The following TAFA5 variants were observed in gnomAD, a reference collection of about 807,000 sequenced individuals.
TAFA5 encodes the protein TAFA chemokine like family member 5, also known as chemokine-like protein TAFA-5.
In TAFA5, 6 loss-of-function variants were observed where a neutral mutation model predicts 15.3. That is an observed-to-expected ratio of 0.39 (90% CI 0.21 to 0.77). TAFA5 has a LOEUF of 0.77. Ranked by LOEUF, TAFA5 falls within the 30% of genes least tolerant of loss-of-function variation. The pLI, the probability that TAFA5 is intolerant of heterozygous loss-of-function variation, is 0.41. For missense variants in TAFA5, 161 were observed against 193.1 expected (o/e 0.83, Z 0.98); for synonymous variants, 103 against 80.7 (o/e 1.28, Z -1.48).
intron 1 of TAFA5, among the ~76,000 whole-genome samples, chr22:48,636,464 T>A (rs1926447977): frequency 6.6e-6 from 1 of 152,128 alleles, no homozygotes; most frequent in South Asian, 2.1e-4. Flanking sequence ...TTTTTAATCC[T>A]CATACTAAGT....
chr22:48,509,790 A>T (rs1921142167), intron 1 of TAFA5, among the ~76,000 whole-genome samples: 1 of 152,058 alleles, frequency 6.6e-6, no homozygotes, highest in African/African-American at 2.4e-5. Flanking sequence ...TCTCTACTAA[A>T]AGTACAAAAA....
chr22:48,711,218 C>G (rs565361576), intron 3 of TAFA5, among the ~76,000 whole-genome samples: 2 of 152,278 alleles, frequency 1.3e-5, no homozygotes, highest in East Asian at 3.9e-4. Context: ...CCTGATTCTT[C>G]TAGAGAGTGA....
intron 1 of TAFA5, among the ~76,000 whole-genome samples, chr22:48,628,647 C>G (rs1050296919): frequency 6.6e-6 from 1 of 152,184 alleles, no homozygotes; most frequent in Non-Finnish European, 1.5e-5. Context: ...TTGAGCTGGA[C>G]GAGCTTGGAG....
chr22:48,505,307 C>T (rs186717701), intron 1 of TAFA5, among the ~76,000 whole-genome samples: 98 of 152,278 alleles, frequency 6.4e-4, no homozygotes, highest in African/African-American at 2.3e-3. Context: ...GAACCGGGGG[C>T]GTCTGGAGTG....
chr22:48,621,834 C>T (rs371345471), intron 1 of TAFA5, among the ~76,000 whole-genome samples: 6 of 152,198 alleles, frequency 3.9e-5, no homozygotes, highest in South Asian at 2.1e-4. Flanking sequence ...GTCTCAGTGT[C>T]GCTGGGGATG....
chr22:48,735,545 C>T (rs192731963), intron 3 of TAFA5, among the ~76,000 whole-genome samples: 22 of 152,340 alleles, frequency 1.4e-4, no homozygotes, highest in Admixed American at 1.4e-3. Flanking sequence ...ATCTGATCTC[C>T]TTTTGAGCTG....
At position 48,553,537 on chromosome 22, in the gene TAFA5, G is replaced by A. The variant is rs1169597329; in HGVS notation, c.112+63833G>A. ...GGACAGGATGGTGGGAGAGGGTGAGGAGGCGTCCCAGGGATGAGTCCTGGG... is the reference window on the plus strand; with the variant it reads ...GGACAGGATGGTGGGAGAGGGTGAGAAGGCGTCCCAGGGATGAGTCCTGGG... On this transcript the variant is annotated intron_variant, in intron 1 of 3. Coordinates refer to ENST00000402357, the MANE Select transcript of TAFA5 (RefSeq NM_001082967.3). Among the ~76,000 whole-genome samples the A allele has an allele frequency of 2.6e-5, 4 of 152,330 alleles. No homozygotes were observed. In the East Asian group the frequency reaches 7.7e-4, roughly 29 times the overall value.
rs1921932686 is a variant in TAFA5 at position 48,530,398 on chromosome 22, G to C, written c.112+40694G>C. On this transcript the variant is annotated intron_variant, in intron 1 of 3. Coordinates refer to ENST00000402357, the MANE Select transcript of TAFA5 (RefSeq NM_001082967.3). The surrounding 1 kb of genome is among the most constrained non-coding windows in gnomAD (Gnocchi z 6.0). ...GGAGCCCAGAGAAGGAATGCACCGG[G>C]CACTGTCGTGGGGCCGGCATTCAAC... 6.6e-6 allele frequency among the ~76,000 whole-genome samples: 1 copy of C among 152,186 alleles called. No homozygotes were observed. The highest frequency in any genetic ancestry group is 1.5e-5 in the Non-Finnish European group (1 of 68,036).
chr22:48,729,216 A>G (rs1929789721), intron 3 of TAFA5, among the ~76,000 whole-genome samples: 1 of 124,860 alleles, frequency 8.0e-6, no homozygotes. Flanking sequence ...CATCCAGTTT[A>G]TCTTAGGAAC....
intron 2 of TAFA5, among the ~76,000 whole-genome samples, chr22:48,650,528 G>A (rs1246243050): frequency 1.3e-5 from 2 of 152,132 alleles, no homozygotes; most frequent in Non-Finnish European, 2.9e-5. Flanking sequence ...ATAGGGTATT[G>A]AGGGATGATG....
At chr22:48,688,992 GAA>G (rs78797172) in intron 2 of TAFA5, among the ~76,000 whole-genome samples, 45 of 82,550 alleles carry the variant, frequency 5.5e-4, no homozygotes, top group South Asian at 1.4e-3. Flanking sequence ...ACTTGTCTCG[GAA>G]AAAAAAAAAA....
intron 3 of TAFA5, among the ~76,000 whole-genome samples, chr22:48,724,443 A>T (rs1929658766): frequency 6.6e-6 from 1 of 152,142 alleles, no homozygotes; most frequent in Admixed American, 6.5e-5. Flanking sequence ...CAGCGTTTGG[A>T]GGAGAGAGGA....
intron 1 of TAFA5, among the ~76,000 whole-genome samples, chr22:48,506,288 A>G (rs1267180151): frequency 6.6e-6 from 1 of 152,230 alleles, no homozygotes; most frequent in African/African-American, 2.4e-5. Context: ...CTTAGAGAAG[A>G]AAACCTTTTC....
intron 1 of TAFA5, among the ~76,000 whole-genome samples, chr22:48,618,098 G>A (rs1004384116): frequency 6.6e-6 from 1 of 152,202 alleles, no homozygotes; most frequent in Non-Finnish European, 1.5e-5. Context: ...GAAGCACTGG[G>A]GTTTCTGATT....
At chr22:48,671,387 G>A (rs754169864) in intron 2 of TAFA5, among the ~76,000 whole-genome samples, 4 of 152,174 alleles carry the variant, frequency 2.6e-5, no homozygotes, top group Non-Finnish European at 5.9e-5. Flanking sequence ...GTGCTCTGTT[G>A]AGAATCACAG....
At position 48,597,009 on chromosome 22, in the gene TAFA5, G is replaced by A. The variant is rs115756503; in HGVS notation, c.113-49588G>A. 3.3e-3 allele frequency among the ~76,000 whole-genome samples: 509 copies of A among 152,236 alleles called. 5 individuals carry two copies. Among genetic ancestry groups the A allele is most frequent in the African/African-American group, 0.012 (479 of 41,546 alleles). ...TTTGTAGAGATGAAGGTCTCGCTGCGATGCCCTAGCTGGTCTCGAACTCCT... is the reference window on the plus strand; with the variant it reads ...TTTGTAGAGATGAAGGTCTCGCTGCAATGCCCTAGCTGGTCTCGAACTCCT... On this transcript the variant is annotated intron_variant, in intron 1 of 3. Coordinates refer to ENST00000402357, the MANE Select transcript of TAFA5 (RefSeq NM_001082967.3).
intron 1 of TAFA5, among the ~76,000 whole-genome samples, chr22:48,640,933 G>A (rs867684690): frequency 4.7e-4 from 49 of 104,650 alleles, no homozygotes; most frequent in South Asian, 1.1e-3. Context: ...CTACGGGACA[G>A]CTTCTGTCTG....
rs149399856 is a variant in TAFA5, at chr22:48,664,954, G to A, written c.262+18208G>A. 2.4e-4 allele frequency among the ~76,000 whole-genome samples: 36 copies of A among 152,264 alleles called. No homozygotes were observed. The East Asian group carries it at 2.7e-3, about 11-fold the overall frequency. ...GTCCACTGACTTATCTCCAGCATTC[G>A]CCTTGGAGTGGCAGGGCTGTGACCT... On this transcript the variant is annotated intron_variant, in intron 2 of 3. Transcript: ENST00000402357.
intron 1 of TAFA5, among the ~76,000 whole-genome samples, chr22:48,546,037 G>T (rs1177655687): frequency 6.6e-6 from 1 of 152,200 alleles, no homozygotes; most frequent in Non-Finnish European, 1.5e-5. Flanking sequence ...GGCGGGAGGA[G>T]AGCCAGGCAC....
Sources: gnomAD v4.1 joint callset for allele counts (sites outside exome capture counted in the v4.1 genomes callset) on GRCh38, gnomAD v4.1.1 for gene constraint, Gnocchi (gnomAD v3.1) non-coding constraint, MANE v1.5 for transcripts, NCBI Gene and HGNC (gene_info 2026-07-23, HGNC 2026-07-21) for gene names.